Variants in SYT16 observed in about 807,000 individuals in gnomAD.
SYT16 encodes synaptotagmin 16.
SYT16 carries 42 observed loss-of-function variants against 61.4 expected under a neutral mutation model. The observed-to-expected ratio is 0.68, with a 90% CI of 0.53 to 0.89. The LOEUF (loss-of-function observed/expected upper bound fraction) is 0.89. Ranked by LOEUF, SYT16 falls within the 40% of genes least tolerant of loss-of-function variation. The probability of loss-of-function intolerance (pLI) is 0.00; values close to 1 mark genes in which losing one functional copy is unlikely to be tolerated. For missense variants in SYT16, 804 were observed against 807.3 expected (o/e 1.00, Z 0.05); for synonymous variants, 314 against 302.3 (o/e 1.04, Z -0.40).
chr14:62,071,972 T>C (rs2056315110), intron 4 of SYT16, among the ~76,000 whole-genome samples: 1 of 152,216 alleles, frequency 6.6e-6, no homozygotes, highest in Non-Finnish European at 1.5e-5. Context: ...AGTTCTCTTT[T>C]GTCCTGTGTA....
Position 61,831,923 on chromosome 14 carries a change from C to T in SYT16, c.-325+19113C>T, listed in dbSNP as rs2045949871. The T allele has an allele frequency of 1.3e-5, 7 of 522,486 alleles. 1 individual carries two copies. Among genetic ancestry groups the T allele is most frequent in the Admixed American group, 8.0e-5 (3 of 37,590 alleles). 32.4% of individuals were successfully genotyped at this position (522,486 alleles called of 1,614,324 possible). On this transcript the variant is annotated intron_variant, in intron 1 of 7. Coordinates refer to ENST00000683842, the MANE Select transcript of SYT16 (RefSeq NM_001367656.1). ...GCTGGCGAAGCCCTGCAGGGGTTCA[C>T]CTCATGTCCAGCATCCTCTTGGTCT... is the stretch of plus-strand genomic sequence containing the variant.
At chr14:61,983,189 T>C (rs1270848585) in intron 2 of SYT16, among the ~76,000 whole-genome samples, 1 of 152,140 alleles carries the variant, frequency 6.6e-6, no homozygotes, top group Non-Finnish European at 1.5e-5. Context: ...GTTTTTGGAG[T>C]AATAGGTTTA....
At chr14:62,078,132 TCTCTCG>T (rs1408907715) in intron 5 of SYT16, among the ~76,000 whole-genome samples, 1 of 136,240 alleles carries the variant, frequency 7.3e-6, no homozygotes, top group African/African-American at 2.9e-5. Flanking sequence ...TCTCTAGTGC[TCTCTCG>T]CTCTCTCTCT....
At chr14:61,832,146 G>C in intron 1 of SYT16, 1 of 703,358 alleles carries the variant, frequency 1.4e-6, no homozygotes, top group South Asian at 1.4e-5. Flanking sequence ...TTTCCCATCC[G>C]TGGAGCGGTT....
At chr14:61,981,859 C>G (rs556861939) in intron 2 of SYT16, among the ~76,000 whole-genome samples, 23 of 152,116 alleles carry the variant, frequency 1.5e-4, no homozygotes, top group Non-Finnish European at 2.8e-4. Context: ...TCCTTAGAAA[C>G]AGATTCTTCT....
chr14:62,044,067 C>T (rs920379650), intron 3 of SYT16, among the ~76,000 whole-genome samples: 2 of 151,864 alleles, frequency 1.3e-5, no homozygotes, highest in Admixed American at 1.3e-4. Flanking sequence ...CTTTTTCAAT[C>T]ACACATGGAT....
At chr14:62,043,403 C>CTTTA (rs1156926794) in intron 3 of SYT16, among the ~76,000 whole-genome samples, 1 of 130,306 alleles carries the variant, frequency 7.7e-6, no homozygotes, top group Non-Finnish European at 1.6e-5. Context: ...TGAAATTTTT[C>CTTTA]TTTCTTTTTT....
chr14:61,891,656 T>G (rs1233406889), intron 1 of SYT16, among the ~76,000 whole-genome samples: 1 of 152,130 alleles, frequency 6.6e-6, no homozygotes, highest in Non-Finnish European at 1.5e-5. Context: ...AACAACTTAT[T>G]AGAACAGAGA....
At position 62,059,777 on chromosome 14, in the gene SYT16, T is replaced by TACACACAC. The variant is rs34498170; in HGVS notation, c.524-9809_524-9802dup. 8.6e-3 allele frequency among the ~76,000 whole-genome samples: 1,258 copies of TACACACAC among 146,784 alleles called. 10 individuals carry two copies. Among genetic ancestry groups the TACACACAC allele is most frequent in the African/African-American group, 0.019 (770 of 40,338 alleles). On this transcript the variant is annotated intron_variant, in intron 3 of 7. Transcript: ENST00000683842. ...ATATATATGTGTATATGTATACACA[T>TACACACAC]ACACACACACACACACACACACACT...
chr14:61,898,358 G>C (rs1000534709), intron 1 of SYT16, among the ~76,000 whole-genome samples: 1 of 152,174 alleles, frequency 6.6e-6, no homozygotes, highest in Non-Finnish European at 1.5e-5. Flanking sequence ...CTCTCACTGT[G>C]CCTGTTCCCT....
intron 5 of SYT16, among the ~76,000 whole-genome samples, chr14:62,079,028 T>A (rs1157911617): frequency 6.6e-6 from 1 of 152,220 alleles, no homozygotes; most frequent in Non-Finnish European, 1.5e-5. Context: ...AGATGTTAGC[T>A]ATTATTACTT....
chr14:61,813,752 GA>G (rs1243253263), intron 1 of SYT16, among the ~76,000 whole-genome samples: 8 of 150,588 alleles, frequency 5.3e-5, no homozygotes, highest in South Asian at 2.1e-4. Context: ...GGCCACAGAG[GA>G]AAAAAACAAA....
intron 3 of SYT16, among the ~76,000 whole-genome samples, chr14:62,062,581 T>A (rs769623167): frequency 6.6e-6 from 1 of 152,224 alleles, no homozygotes; most frequent in Non-Finnish European, 1.5e-5. Flanking sequence ...ACTCTTTTCC[T>A]AACTTGTTTG....
intron 3 of SYT16, among the ~76,000 whole-genome samples, chr14:61,997,496 T>C (rs1323777892): frequency 1.3e-5 from 2 of 152,084 alleles, no homozygotes; most frequent in African/African-American, 4.8e-5. Context: ...GGAAAAGTTT[T>C]ATCCAGATAT....
intron 3 of SYT16, among the ~76,000 whole-genome samples, chr14:62,048,262 A>G (rs6573412): frequency 0.45 from 68,800 of 152,004 alleles, 18,651 homozygotes; most frequent in African/African-American, 0.77. Flanking sequence ...GTTTATTTGC[A>G]TGGAGGTGTT....
intron 3 of SYT16, among the ~76,000 whole-genome samples, chr14:62,051,830 G>C (rs1298101661): frequency 6.6e-6 from 1 of 152,114 alleles, no homozygotes; most frequent in African/African-American, 2.4e-5. Flanking sequence ...CCAGGAGTTT[G>C]AGATCAGCCT....
intron 3 of SYT16, among the ~76,000 whole-genome samples, chr14:62,027,404 G>A (rs767229780): frequency 3.3e-5 from 5 of 152,186 alleles, no homozygotes; most frequent in Non-Finnish European, 7.3e-5. Context: ...TTTCTGGTTG[G>A]TAGCTCTAGA....
intron 1 of SYT16, among the ~76,000 whole-genome samples, chr14:61,946,929 A>T (rs2050461820): frequency 1.3e-5 from 2 of 152,230 alleles, no homozygotes; most frequent in East Asian, 1.9e-4. Context: ...TAAGCAGAAG[A>T]TGTGGACAAA....
intron 3 of SYT16, among the ~76,000 whole-genome samples, chr14:62,010,490 G>A (rs1296631409): frequency 6.6e-6 from 1 of 152,126 alleles, no homozygotes; most frequent in Non-Finnish European, 1.5e-5. Flanking sequence ...CATGCCCTGG[G>A]GTGGGGTGAG....
Sources: gnomAD v4.1 joint callset for allele counts (sites outside exome capture counted in the v4.1 genomes callset) on GRCh38, gnomAD v4.1.1 for gene constraint, MANE v1.5 for transcripts, NCBI Gene and HGNC (gene_info 2026-07-23, HGNC 2026-07-21) for gene names.